NTN1: variants seen among roughly 807,000 people sequenced by gnomAD.
NTN1 encodes the protein netrin 1, also known as netrin-1.
In NTN1, 11 loss-of-function variants were observed where a neutral mutation model predicts 54.2. The observed-to-expected ratio is 0.20, with a 90% confidence interval of 0.13 to 0.34. The LOEUF (loss-of-function observed/expected upper bound fraction) is 0.34, where lower values mean the gene tolerates loss of function less well. Among genes scored for constraint, NTN1 ranks in the 10% least tolerant of loss-of-function variants. The pLI, the probability that NTN1 is intolerant of heterozygous loss-of-function variation, is 1.00. For missense variants in NTN1, 740 were observed against 893.1 expected, an observed-to-expected ratio of 0.83 and a Z score of 2.18; for synonymous variants, 371 against 382.0, an observed-to-expected ratio of 0.97 and a Z score of 0.33.
chr17:9,023,505 G>T lies in NTN1; in HGVS notation c.1018+114G>T, dbSNP rs925872697. The T allele has an allele frequency of 2.5e-6, 3 of 1,220,276 alleles. No individual in the cohort carries two copies. The African/African-American group carries it at 4.8e-5, about 19-fold the overall frequency. 75.6% of individuals were successfully genotyped at this position (1,220,276 alleles called of 1,614,324 possible). Reference sequence around the variant, plus strand: ...GGGTCGAGGGAACGGCGGGAGGCGCGTTCGCCGATGCCCGGGACCCGGGAG... The same window carrying T: ...GGGTCGAGGGAACGGCGGGAGGCGCTTTCGCCGATGCCCGGGACCCGGGAG... On this transcript the variant is annotated intron_variant, in intron 2 of 6. Transcript: ENST00000173229.
chr17:9,056,974 G>A (rs1250448761), intron 2 of NTN1, among the ~76,000 whole-genome samples: 1 of 152,068 alleles, frequency 6.6e-6, no homozygotes, highest in African/African-American at 2.4e-5. Flanking sequence ...CTTCAACAGA[G>A]GCCCCCCTGT....
At chr17:9,157,023 A>T (rs1352512096) in intron 2 of NTN1, among the ~76,000 whole-genome samples, 3 of 136,234 alleles carry the variant, frequency 2.2e-5, no homozygotes, top group Non-Finnish European at 4.6e-5. Flanking sequence ...CCATCTATCC[A>T]TCCGTCCATC....
chr17:9,187,679 A>AAAT, intron 5 of NTN1, among the ~76,000 whole-genome samples: 1 of 144,588 alleles, frequency 6.9e-6, no homozygotes, highest in Non-Finnish European at 1.5e-5. Context: ...AAAAAAAAAA[A>AAAT]CATTAGCCAG....
In NTN1 at chr17:9,211,095, T is replaced by C. The variant is rs1257460320; in HGVS notation, c.1412-10073T>C. On this transcript the variant is annotated intron_variant, in intron 5 of 6. Coordinates refer to ENST00000173229, the MANE Select transcript of NTN1 (RefSeq NM_004822.3). This position sits in a 1 kb window ranked among gnomAD's most constrained non-coding sequence, Gnocchi z 4.4. ...ACATTTCTGGCACATGCTATTCTTCTAGAATAAAATCCAAACCCCTGCCAT... is the reference window on the plus strand; with the variant it reads ...ACATTTCTGGCACATGCTATTCTTCCAGAATAAAATCCAAACCCCTGCCAT... Among the ~76,000 whole-genome samples the C allele has an allele frequency of 6.6e-6, 1 of 152,134 alleles. No homozygotes were observed. The highest frequency in any genetic ancestry group is 2.4e-5 in the African/African-American group (1 of 41,410).
intron 2 of NTN1, among the ~76,000 whole-genome samples, chr17:9,129,037 G>T (rs1354584316): frequency 6.6e-6 from 1 of 152,148 alleles, no homozygotes; most frequent in Admixed American, 6.5e-5. Flanking sequence ...TTGGCTCTGT[G>T]ATCCCCGAGT....
chr17:9,074,235 T>C (rs1597478307), intron 2 of NTN1, among the ~76,000 whole-genome samples: 1 of 152,300 alleles, frequency 6.6e-6, no homozygotes, highest in East Asian at 1.9e-4. Context: ...GCGTGTAAGC[T>C]CAGCAACTGC....
At chr17:9,026,519 C>T (rs911372455) in intron 2 of NTN1, among the ~76,000 whole-genome samples, 3 of 152,070 alleles carry the variant, frequency 2.0e-5, no homozygotes, top group African/African-American at 7.2e-5. Flanking sequence ...GCAGTGTTCA[C>T]ATGCTTTTAT....
intron 2 of NTN1, among the ~76,000 whole-genome samples, chr17:9,071,620 C>T (rs903200786): frequency 3.9e-5 from 6 of 152,216 alleles, no homozygotes; most frequent in Non-Finnish European, 8.8e-5. Flanking sequence ...GCCAGTCCTA[C>T]AGCTGCAGGT....
intron 5 of NTN1, among the ~76,000 whole-genome samples, chr17:9,215,260 C>CACACAG (rs386385613): frequency 7.4e-6 from 1 of 135,720 alleles, no homozygotes; most frequent in East Asian, 1.9e-4. Context: ...TACACACACA[C>CACACAG]ACACACACAC....
intron 2 of NTN1, among the ~76,000 whole-genome samples, chr17:9,140,094 T>C (rs961193973): frequency 2.0e-5 from 3 of 152,170 alleles, no homozygotes; most frequent in African/African-American, 7.2e-5. Context: ...GCTAATGAGT[T>C]GTTAGCTGCA....
At chr17:9,158,660 G>A (rs1280459242) in intron 2 of NTN1, among the ~76,000 whole-genome samples, 1 of 152,182 alleles carries the variant, frequency 6.6e-6, no homozygotes, top group Non-Finnish European at 1.5e-5. Context: ...TGTGGTCCTG[G>A]GCTGGTTGGT....
chr17:9,203,314 CT>C (rs1904865698), intron 5 of NTN1, among the ~76,000 whole-genome samples: 1 of 152,256 alleles, frequency 6.6e-6, no homozygotes, highest in African/African-American at 2.4e-5. Context: ...AGTAGTTTGA[CT>C]GTTTGAACCT....
At chr17:9,150,040 A>G (rs577165071) in intron 2 of NTN1, among the ~76,000 whole-genome samples, 1 of 152,284 alleles carries the variant, frequency 6.6e-6, no homozygotes, top group South Asian at 2.1e-4. Context: ...CATCTCTACT[A>G]AAAATACAAA....
At chr17:9,122,303 G>A (rs894239200) in intron 2 of NTN1, among the ~76,000 whole-genome samples, 1 of 152,172 alleles carries the variant, frequency 6.6e-6, no homozygotes, top group Admixed American at 6.5e-5. Context: ...CAAAGTGCTG[G>A]GATTACAGGC....
chr17:9,107,672 A>G (rs1049049192), intron 2 of NTN1, among the ~76,000 whole-genome samples: 2 of 152,190 alleles, frequency 1.3e-5, no homozygotes, highest in African/African-American at 2.4e-5. Flanking sequence ...ACCATGGTCC[A>G]TGGGCAGAAT....
intron 2 of NTN1, among the ~76,000 whole-genome samples, chr17:9,079,369 TC>T (rs2092062807): frequency 6.6e-6 from 1 of 152,192 alleles, no homozygotes; most frequent in South Asian, 2.1e-4. Flanking sequence ...TTTTTTCTAG[TC>T]CCCTTAAAAA....
intron 4 of NTN1, among the ~76,000 whole-genome samples, chr17:9,181,929 A>G (rs2092419905): frequency 6.6e-6 from 1 of 152,198 alleles, no homozygotes; most frequent in Non-Finnish European, 1.5e-5. Flanking sequence ...TCTTGAGCAC[A>G]GGGTGGGGTC....
the NTN1 span, among the ~76,000 whole-genome samples, chr17:9,013,216 CTT>C: frequency 9.5e-4 from 113 of 118,702 alleles, no homozygotes; most frequent in African/African-American, 1.4e-3. Flanking sequence ...TTTTCTTTTT[CTT>C]TTTTTTTTTT....
intron 2 of NTN1, among the ~76,000 whole-genome samples, chr17:9,073,788 G>A (rs938396932): frequency 1.3e-5 from 2 of 152,226 alleles, no homozygotes; most frequent in Admixed American, 1.3e-4. Flanking sequence ...GTGGGTGCCT[G>A]GCTCGGAAAA....
Sources: gnomAD v4.1 joint callset for allele counts (sites outside exome capture counted in the v4.1 genomes callset) on GRCh38, gnomAD v4.1.1 for gene constraint, Gnocchi (gnomAD v3.1) non-coding constraint, MANE v1.5 for transcripts, NCBI Gene and HGNC (gene_info 2026-07-23, HGNC 2026-07-21) for gene names.